The following MGAT4C variants were observed in gnomAD, a reference collection of about 807,000 sequenced individuals.
MGAT4C encodes MGAT4 family member C.
In MGAT4C, 19 loss-of-function variants were observed where a neutral mutation model predicts 40.1. The observed-to-expected ratio is 0.47, with a 90% confidence interval of 0.33 to 0.70. The LOEUF (loss-of-function observed/expected upper bound fraction) is 0.70. Ranked by LOEUF, MGAT4C falls within the 30% of genes least tolerant of loss-of-function variation. MGAT4C has a pLI of 0.02. For missense variants in MGAT4C, 491 were observed against 563.2 expected, an observed-to-expected ratio of 0.87 and a Z score of 1.30; for synonymous variants, 181 against 187.1, an observed-to-expected ratio of 0.97 and a Z score of 0.27.
chr12:86,509,093 T>G (rs1958525466), intron 2 of MGAT4C, among the ~76,000 whole-genome samples: 3 of 152,172 alleles, frequency 2.0e-5, no homozygotes, highest in Admixed American at 1.3e-4. Context: ...TTTTGTCTTT[T>G]GTTGCCATTG....
chr12:86,797,113 C>T (rs1031546916), intron 1 of MGAT4C, among the ~76,000 whole-genome samples: 12 of 151,812 alleles, frequency 7.9e-5, no homozygotes, highest in African/African-American at 2.9e-4. Flanking sequence ...AGAAAAATTA[C>T]AGCCATTGAA....
At chr12:86,396,481 C>T (rs1003741233) in intron 3 of MGAT4C, among the ~76,000 whole-genome samples, 7 of 152,104 alleles carry the variant, frequency 4.6e-5, no homozygotes, top group African/African-American at 1.7e-4. Flanking sequence ...GCATTTGACC[C>T]GCAGCAGGAA....
chr12:86,124,930 G>A (rs1880002806), intron 1 of MGAT4C, among the ~76,000 whole-genome samples: 1 of 152,082 alleles, frequency 6.6e-6, no homozygotes, highest in African/African-American at 2.4e-5. Context: ...TAAAAACCAG[G>A]AAAAGATGGT....
rs184146509 is a variant in MGAT4C, at chr12:86,391,784, C to T, written c.-120+43373G>A. On this transcript the variant is annotated intron_variant, in intron 3 of 7. Transcript: ENST00000548651. ...CTGAGGCAGGAGAATGGTGTGAACC[C>T]GGGAGGCGGAGCTTGCAGTGAGCTG... Among the ~76,000 whole-genome samples, 14 of 151,986 alleles carry T rather than the reference C, an allele frequency of 9.2e-5. No individual in the cohort carries two copies. In the East Asian group the frequency reaches 2.5e-3, roughly 27 times the overall value.
chr12:86,609,051 A>AAT (rs1210059930), intron 2 of MGAT4C, among the ~76,000 whole-genome samples: 8 of 152,158 alleles, frequency 5.3e-5, no homozygotes, highest in African/African-American at 1.9e-4. Context: ...ATGCCAAAGA[A>AAT]ATTGTAGGCA....
intron 3 of MGAT4C, among the ~76,000 whole-genome samples, chr12:85,987,992 A>C (rs554446791): frequency 1.3e-5 from 2 of 152,218 alleles, no homozygotes. Flanking sequence ...TTAAGAAAAA[A>C]ATAGCAAGAA....
chr12:86,554,851 T>C (rs561212496), intron 2 of MGAT4C, among the ~76,000 whole-genome samples: 2 of 152,132 alleles, frequency 1.3e-5, no homozygotes, highest in Non-Finnish European at 2.9e-5. Context: ...TCTTACTATG[T>C]TGGAAATCTA....
rs1315876831 is a variant in MGAT4C at position 85,969,182 on chromosome 12, T to C, written c.*10107A>G. 2 of 151,856 alleles carry C rather than the reference T, an allele frequency of 1.3e-5. No individual in the cohort carries two copies. The highest frequency in any genetic ancestry group is 3.4e-3 in the Middle Eastern group (1 of 294). The allele number at this position is 151,856 out of a possible 1,614,324, so 9.4% of individuals were successfully genotyped here. ...GATGATTCTTTTGCATGATGACTTG[T>C]TATAATCATTACTTTCATAGGTAAT... On this transcript the variant is annotated 3_prime_UTR_variant, in exon 5 of 5. Transcript: ENST00000611864.
chr12:86,460,616 T>C (rs1592873944), intron 2 of MGAT4C, among the ~76,000 whole-genome samples: 4 of 152,124 alleles, frequency 2.6e-5, no homozygotes, highest in South Asian at 4.1e-4. Flanking sequence ...TGTGTGTCTG[T>C]ATGCATGTGT....
At chr12:86,046,785 A>G (rs1386961638) in intron 2 of MGAT4C, among the ~76,000 whole-genome samples, 1 of 152,190 alleles carries the variant, frequency 6.6e-6, no homozygotes, top group African/African-American at 2.4e-5. Flanking sequence ...AGGTTTTCAA[A>G]GGCTACATGA....
In MGAT4C at chr12:85,964,827, A is replaced by T. The variant is rs139202059; in HGVS notation, c.*14462T>A. 1 of 152,168 alleles carries T rather than the reference A, an allele frequency of 6.6e-6. No homozygotes were observed. Among genetic ancestry groups the T allele is most frequent in the Non-Finnish European group, 1.5e-5 (1 of 68,028 alleles). The allele number at this position is 152,168 out of a possible 1,614,324, so 9.4% of individuals were successfully genotyped here. ...CACCTAGGTAATGTGATTTATTAAA[A>T]GTTCTCCATCCCAAAATATATGTCC... On this transcript the variant is annotated 3_prime_UTR_variant, in exon 5 of 5. Transcript: ENST00000611864.
intron 2 of MGAT4C, among the ~76,000 whole-genome samples, chr12:86,487,531 G>A (rs1355443064): frequency 6.6e-6 from 1 of 152,062 alleles, no homozygotes. Context: ...GTTTATAATT[G>A]TGCTCTTTTA....
chr12:86,498,375 T>TA (rs1227175588), intron 2 of MGAT4C, among the ~76,000 whole-genome samples: 4 of 151,586 alleles, frequency 2.6e-5, no homozygotes, highest in Non-Finnish European at 4.4e-5. Context: ...TGCAACAGTT[T>TA]AAAAAAACCA....
chr12:86,079,103 T>A (rs1169234817), intron 1 of MGAT4C, among the ~76,000 whole-genome samples: 1 of 152,140 alleles, frequency 6.6e-6, no homozygotes, highest in East Asian at 1.9e-4. Flanking sequence ...AAGGCACTGA[T>A]TATTTGAGAA....
intron 2 of MGAT4C, among the ~76,000 whole-genome samples, chr12:86,512,541 G>C (rs1323903311): frequency 6.6e-6 from 1 of 151,448 alleles, no homozygotes. Flanking sequence ...ATTGTCCATT[G>C]ATGTATAAAC....
intron 1 of MGAT4C, among the ~76,000 whole-genome samples, chr12:86,243,491 C>T (rs1951877491): frequency 3.3e-5 from 5 of 152,134 alleles, no homozygotes; most frequent in Admixed American, 3.3e-4. Context: ...TGGGTCGCTC[C>T]CATGATTTTA....
chr12:86,208,297 C>T (rs892337435), intron 1 of MGAT4C, among the ~76,000 whole-genome samples: 1 of 152,182 alleles, frequency 6.6e-6, no homozygotes, highest in African/African-American at 2.4e-5. Context: ...AAAACCCCAT[C>T]TTTACTATAA....
At chr12:86,005,990 C>T (rs540070070) in intron 2 of MGAT4C, among the ~76,000 whole-genome samples, 1 of 152,230 alleles carries the variant, frequency 6.6e-6, no homozygotes, top group Non-Finnish European at 1.5e-5. Context: ...TATCCGTCTA[C>T]AACTTCCAAT....
In MGAT4C at chr12:86,316,079, CAAAAAAAAAAA is replaced by C. The variant is rs71076185; in HGVS notation, c.-57+17975_-57+17985del. ...TTTTCAAAAGAATAAATACAAGCAG[CAAAAAAAAAAA>C]AAAAAAAAAAAAAAAAATGGAAAAA... On this transcript the variant is annotated intron_variant, in intron 4 of 7. Transcript: ENST00000548651. Among the ~76,000 whole-genome samples, 336 of 34,098 alleles carry C rather than the reference CAAAAAAAAAAA, an allele frequency of 9.9e-3. 8 individuals carry two copies. Among genetic ancestry groups the C allele is most frequent in the African/African-American group, 0.037 (325 of 8,744 alleles). The allele number at this position is 34,098 out of a possible 152,430, so 22.4% of individuals were successfully genotyped here. A position where few individuals can be genotyped will look rare whatever the true frequency, so the allele number is the denominator to read the frequency against.
Sources: allele counts gnomAD v4.1 joint callset (sites outside exome capture counted in the v4.1 genomes callset), GRCh38; gene constraint gnomAD v4.1.1; transcripts MANE v1.5; gene names NCBI Gene and HGNC (gene_info 2026-07-23, HGNC 2026-07-21).